Variants in NXPE4 observed in about 807,000 individuals in gnomAD.
NXPE4 encodes NXPE family member 4.
In NXPE4, 42 loss-of-function variants were observed where a neutral mutation model predicts 33.3. The observed-to-expected ratio is 1.26, with a 90% CI of 0.98 to 1.63. The LOEUF (loss-of-function observed/expected upper bound fraction) is 1.63. Ranked by LOEUF, NXPE4 falls within the 40% of genes most tolerant of loss-of-function variation. NXPE4 has a pLI of 0.00. For missense variants in NXPE4, 709 were observed against 647.6 expected, an observed-to-expected ratio of 1.09 and a Z score of -1.03; for synonymous variants, 253 against 234.9, an observed-to-expected ratio of 1.08 and a Z score of -0.71.
chr11:114,665,458 G>A, the NXPE4 span, among the ~76,000 whole-genome samples: 1 of 152,126 alleles, frequency 6.6e-6, no homozygotes, highest in African/African-American at 2.4e-5. Flanking sequence ...CCATCCATAT[G>A]CCAGTCCTTA....
At chr11:114,637,792 C>T in the NXPE4 span, among the ~76,000 whole-genome samples, 1 of 151,948 alleles carries the variant, frequency 6.6e-6, no homozygotes, top group Non-Finnish European at 1.5e-5. Flanking sequence ...AATATTGGCC[C>T]CCACTCTCTT....
At chr11:114,614,724 C>T in the NXPE4 span, among the ~76,000 whole-genome samples, 1 of 151,780 alleles carries the variant, frequency 6.6e-6, no homozygotes, top group East Asian at 1.9e-4. Context: ...ATAAGTGTTG[C>T]CTCCTGCGTA....
the NXPE4 span, among the ~76,000 whole-genome samples, chr11:114,606,957 A>G: frequency 1.4e-4 from 22 of 152,000 alleles, no homozygotes; most frequent in South Asian, 4.6e-3. Flanking sequence ...CCTGTGGATA[A>G]TAAGTGTTGC....
the NXPE4 span, among the ~76,000 whole-genome samples, chr11:114,601,022 C>A: frequency 2.6e-5 from 4 of 151,968 alleles, no homozygotes; most frequent in Non-Finnish European, 4.4e-5. Flanking sequence ...GCCACTTGAA[C>A]ATTTCAAGTT....
chr11:114,626,800 T>G, the NXPE4 span, among the ~76,000 whole-genome samples: 4 of 152,130 alleles, frequency 2.6e-5, no homozygotes, highest in African/African-American at 9.6e-5. Context: ...ATAACTAGAA[T>G]AACCAATACA....
Position 114,581,795 on chromosome 11 carries a change from C to A in NXPE4, c.831-9G>T, listed in dbSNP as rs1037164597. The A allele has an allele frequency of 1.3e-6, 2 of 1,595,642 alleles. No individual in the cohort carries two copies. Among genetic ancestry groups the A allele is most frequent in the Admixed American group, 1.7e-5 (1 of 57,806 alleles). On this transcript the variant is annotated splice_polypyrimidine_tract_variant and intron_variant, in intron 3 of 5. Transcript: ENST00000375478. Reference sequence around the variant, plus strand: ...CTACACCCACATTTGACCTTAAAGACACAAATACAGAAATTAATCTGTAGG... The same window carrying A: ...CTACACCCACATTTGACCTTAAAGAAACAAATACAGAAATTAATCTGTAGG...
At chr11:114,597,999 A>T (rs1308365597), upstream of NXPE4, among the ~76,000 whole-genome samples, 1 of 152,138 alleles carries the variant, frequency 6.6e-6, no homozygotes, top group Non-Finnish European at 1.5e-5. Flanking sequence ...AGACAAGGTA[A>T]GTCCCTTCCA....
intron 2 of NXPE4, among the ~76,000 whole-genome samples, chr11:114,585,169 C>T (rs1226409107): frequency 2.6e-5 from 4 of 151,742 alleles, no homozygotes; most frequent in South Asian, 4.2e-4. Flanking sequence ...ACTCACACTG[C>T]CTGCCATCTG....
the NXPE4 span, among the ~76,000 whole-genome samples, chr11:114,629,387 A>C: frequency 5.3e-5 from 8 of 152,042 alleles, no homozygotes; most frequent in African/African-American, 1.9e-4. Flanking sequence ...AATAAATGTA[A>C]TCCAGCATAT....
the NXPE4 span, among the ~76,000 whole-genome samples, chr11:114,602,892 A>G: frequency 6.7e-6 from 1 of 148,478 alleles, no homozygotes; most frequent in Non-Finnish European, 1.5e-5. Context: ...ATAATTATCT[A>G]ATATATAATT....
the NXPE4 span, among the ~76,000 whole-genome samples, chr11:114,652,910 A>C: frequency 6.6e-6 from 1 of 152,224 alleles, no homozygotes; most frequent in Non-Finnish European, 1.5e-5. Context: ...GTGAAGCCAG[A>C]AATCCAGATG....
the NXPE4 span, among the ~76,000 whole-genome samples, chr11:114,619,390 T>A: frequency 1.3e-5 from 2 of 152,030 alleles, no homozygotes; most frequent in Non-Finnish European, 2.9e-5. Context: ...GGGTAACCAC[T>A]GTTACCCAGT....
the NXPE4 span, among the ~76,000 whole-genome samples, chr11:114,670,818 A>T: frequency 6.6e-6 from 1 of 151,918 alleles, no homozygotes; most frequent in African/African-American, 2.4e-5. Flanking sequence ...AAAAATTATA[A>T]GACATGCAAA....
rs1948876656 is a variant in NXPE4, at chr11:114,571,238, A to C, written c.1335T>G (p.Asp445Glu). The C allele has an allele frequency of 6.2e-7, 1 of 1,613,956 alleles. No individual in the cohort carries two copies. Among genetic ancestry groups the C allele is most frequent in the Admixed American group, 1.7e-5 (1 of 59,978 alleles). ...LGQHFRPFPIDVFIRRALNVH... is the reference protein window; with the variant it reads ...LGQHFRPFPIEVFIRRALNVH... ...CATTGAGGGCCCTTCGGATAAAAACATCAATGGGAAAGGGTCTGAAATGCT... is the reference window on the plus strand; with the variant it reads ...CATTGAGGGCCCTTCGGATAAAAACCTCAATGGGAAAGGGTCTGAAATGCT... Residue 445 changes from aspartate to glutamate, a missense_variant, in exon 6 of 6, where the codon GAT becomes GAG. By Grantham distance (45) the Asp-to-Glu change is conservative. Transcript: ENST00000375478.
the NXPE4 span, among the ~76,000 whole-genome samples, chr11:114,621,810 T>C: frequency 0.99 from 149,961 of 152,148 alleles, 73,915 homozygotes; most frequent in Middle Eastern, 1. Flanking sequence ...ATTATTGCCT[T>C]GTGGGTAACC....
intron 5 of NXPE4, 107 bp downstream of exon 5, chr11:114,580,025 T>C: frequency 1.0e-6 from 1 of 987,802 alleles, no homozygotes; most frequent in South Asian, 1.5e-5. Context: ...TGTGTTGTGA[T>C]TGAAGAATAT....
chr11:114,666,007 C>T, the NXPE4 span, among the ~76,000 whole-genome samples: 6 of 152,208 alleles, frequency 3.9e-5, no homozygotes, highest in Admixed American at 2.6e-4. Flanking sequence ...GTTTCCGATT[C>T]CAGTGCCCTT....
the NXPE4 span, among the ~76,000 whole-genome samples, chr11:114,606,785 G>A: frequency 2.6e-5 from 4 of 151,632 alleles, no homozygotes; most frequent in African/African-American, 9.7e-5. Context: ...TTATCCAGTC[G>A]ATAATAGGTA....
At chr11:114,638,692 G>T in the NXPE4 span, among the ~76,000 whole-genome samples, 1 of 152,070 alleles carries the variant, frequency 6.6e-6, no homozygotes, top group South Asian at 2.1e-4. Context: ...AGACAGGACC[G>T]TCAGCTGCAG....
Sources: allele counts gnomAD v4.1 joint callset (sites outside exome capture counted in the v4.1 genomes callset), GRCh38; gene constraint gnomAD v4.1.1; transcripts MANE v1.5; gene names NCBI Gene and HGNC (gene_info 2026-07-23, HGNC 2026-07-21).